WWC1: variants seen among roughly 807,000 people sequenced by gnomAD.
WWC1 encodes WW and C2 domain containing 1, also known as protein KIBRA.
WWC1 carries 55 observed loss-of-function variants against 138.4 expected under a neutral mutation model. The ratio of observed to expected loss-of-function variants is 0.40; its 90% confidence interval spans 0.32 to 0.50. The LOEUF (loss-of-function observed/expected upper bound fraction) is 0.50. Ranked by LOEUF, WWC1 falls within the 20% of genes least tolerant of loss-of-function variation. The pLI is 0.72. For missense variants in WWC1, 1,226 were observed against 1,420.4 expected (o/e 0.86, Z 2.20); for synonymous variants, 524 against 564.9 (o/e 0.93, Z 1.03).
At chr5:168,357,193 G>T (rs905819347) in intron 1 of WWC1, among the ~76,000 whole-genome samples, 2 of 152,002 alleles carry the variant, frequency 1.3e-5, no homozygotes, top group Admixed American at 6.5e-5. Flanking sequence ...TCTTTTGTGA[G>T]TTCATTTATT....
intron 20 of WWC1, among the ~76,000 whole-genome samples, chr5:168,462,838 C>A (rs1189370456): frequency 2.6e-5 from 4 of 152,240 alleles, no homozygotes; most frequent in Non-Finnish European, 5.9e-5. Context: ...TGCCCAACTT[C>A]TGAGACTGGA....
At chr5:168,448,636 T>TTTTTTTTA (rs1755506742) in intron 17 of WWC1, among the ~76,000 whole-genome samples, 2 of 144,330 alleles carry the variant, frequency 1.4e-5, no homozygotes, top group African/African-American at 5.2e-5. Context: ...TTTTTTTTTT[T>TTTTTTTTA]GAGACGGAGT....
chr5:168,293,497 TTTCA>T (rs1017018008), intron 1 of WWC1, among the ~76,000 whole-genome samples: 1 of 152,172 alleles, frequency 6.6e-6, no homozygotes, highest in Non-Finnish European at 1.5e-5. Flanking sequence ...GAGCACTTAC[TTTCA>T]TTCATTCATT....
intron 16 of WWC1, among the ~76,000 whole-genome samples, chr5:168,442,858 GA>G (rs201934771): frequency 8.1e-5 from 12 of 148,966 alleles, no homozygotes; most frequent in African/African-American, 2.2e-4. Flanking sequence ...AAAAAGAAAA[GA>G]AAAAAAAGCT....
intron 2 of WWC1, among the ~76,000 whole-genome samples, chr5:168,371,853 T>C (rs1776772706): frequency 6.6e-6 from 1 of 152,156 alleles, no homozygotes; most frequent in South Asian, 2.1e-4. Context: ...TTTGTATGTG[T>C]GTATGTGTAT....
chr5:168,317,580 C>T (rs935795146), intron 1 of WWC1, among the ~76,000 whole-genome samples: 5 of 152,202 alleles, frequency 3.3e-5, no homozygotes, highest in African/African-American at 9.6e-5. Flanking sequence ...CCCACCAAGG[C>T]ATCCTGTCCT....
intron 1 of WWC1, among the ~76,000 whole-genome samples, chr5:168,293,202 A>G (rs1769223396): frequency 1.3e-5 from 2 of 152,262 alleles, no homozygotes; most frequent in East Asian, 3.9e-4. Flanking sequence ...CACATGCTGC[A>G]CACACACACA....
In WWC1 at chr5:168,423,599, C is replaced by A. The variant is rs757876705; in HGVS notation, c.1341C>A (p.Gly447=). The change falls in exon 11 of 23, where the codon GGC becomes GGA. Residue 447 remains glycine (G), a synonymous_variant. Transcript: ENST00000265293. ...CCGGATCCCTCACGTCCAGCCGGGG[C>A]TCCCTGGTTGCATCCAGCCTGGACT... ...SSPGSLTSSR[G]SLVASSLDSS... is the part of the protein sequence containing the mutation. The A allele has an allele frequency of 3.7e-6, 6 of 1,614,026 alleles. No homozygotes were observed. The Admixed American group carries it at 6.7e-5, about 18-fold the overall frequency.
rs1204572407 is a variant in WWC1 at position 168,339,942 on chromosome 5, TCTCTCCCC to T, written c.120-31474_120-31467del. Among the ~76,000 whole-genome samples the T allele has an allele frequency of 2.0e-3, 269 of 134,024 alleles. 3 individuals carry two copies. Among genetic ancestry groups the T allele is most frequent in the African/African-American group, 7.7e-3 (248 of 32,386 alleles). The allele number at this position is 134,024 out of a possible 152,430, so 87.9% of individuals were successfully genotyped here. ...CTCTCTCTTTCTCTCTTTCTCTCTC[TCTCTCCCC>T]CTCTCCCTCTCTCTCTCTGTCTCTC... On this transcript the variant is annotated intron_variant, in intron 1 of 22. Transcript: ENST00000265293.
At chr5:168,368,906 A>T (rs1375352221) in intron 1 of WWC1, among the ~76,000 whole-genome samples, 1 of 152,180 alleles carries the variant, frequency 6.6e-6, no homozygotes, top group Non-Finnish European at 1.5e-5. Context: ...TTTGGAGCAG[A>T]TGCTCCTGAA....
At chr5:168,325,124 T>C (rs900471638) in intron 1 of WWC1, among the ~76,000 whole-genome samples, 2 of 152,210 alleles carry the variant, frequency 1.3e-5, no homozygotes, top group Admixed American at 1.3e-4. Context: ...CTAACCTCCA[T>C]GGCCTCATTC....
intron 1 of WWC1, among the ~76,000 whole-genome samples, chr5:168,333,295 C>T (rs1254006728): frequency 6.6e-6 from 1 of 152,220 alleles, no homozygotes; most frequent in East Asian, 1.9e-4. Flanking sequence ...TTGAGTACCT[C>T]CCCTATGTAT....
chr5:168,369,588 G>C (rs1396172300), intron 1 of WWC1, among the ~76,000 whole-genome samples: 2 of 152,126 alleles, frequency 1.3e-5, no homozygotes, highest in African/African-American at 4.8e-5. Context: ...ATAGTGTATT[G>C]CACATCACAT....
chr5:168,452,430 AC>A (rs1414950857), intron 17 of WWC1, among the ~76,000 whole-genome samples: 2 of 152,164 alleles, frequency 1.3e-5, no homozygotes, highest in African/African-American at 4.8e-5. Flanking sequence ...ACACACAGAC[AC>A]CAGGGATGCG....
chr5:168,299,768 C>T (rs554465872), intron 1 of WWC1, among the ~76,000 whole-genome samples: 12 of 152,306 alleles, frequency 7.9e-5, no homozygotes, highest in Non-Finnish European at 1.5e-4. Context: ...AAGTGTGAGT[C>T]GAAGGTGGCC....
At chr5:168,372,083 G>GTGTGTGTT (rs1776804614) in intron 2 of WWC1, among the ~76,000 whole-genome samples, 1 of 151,356 alleles carries the variant, frequency 6.6e-6, no homozygotes, top group African/African-American at 2.4e-5. Context: ...GTGTGTGTGT[G>GTGTGTGTT]TGTGTGTGTG....
At chr5:168,307,211 AC>A (rs1770645028) in intron 1 of WWC1, among the ~76,000 whole-genome samples, 1 of 152,224 alleles carries the variant, frequency 6.6e-6, no homozygotes. Context: ...AAAGTTGAAA[AC>A]TTGCCCAAGG....
intron 15 of WWC1, among the ~76,000 whole-genome samples, chr5:168,437,967 A>G (rs1754390833): frequency 6.6e-6 from 1 of 152,184 alleles, no homozygotes; most frequent in Admixed American, 6.5e-5. Context: ...TTTTTACTGA[A>G]TGAATAAATA....
chr5:168,322,538 C>T (rs1335172248), intron 1 of WWC1, among the ~76,000 whole-genome samples: 1 of 152,194 alleles, frequency 6.6e-6, no homozygotes, highest in Non-Finnish European at 1.5e-5. Flanking sequence ...AGGGCAGGAG[C>T]CACATTTATC....
Sources: allele counts gnomAD v4.1 joint callset (sites outside exome capture counted in the v4.1 genomes callset), GRCh38; gene constraint gnomAD v4.1.1; transcripts MANE v1.5; gene names NCBI Gene and HGNC (gene_info 2026-07-23, HGNC 2026-07-21).